The following NRXN1 variants were observed in gnomAD, a reference collection of about 807,000 sequenced individuals.
The protein encoded by NRXN1 is neurexin-1.
A neutral mutation model predicts 150.9 loss-of-function variants in NRXN1; 39 were observed. That is an observed-to-expected ratio of 0.26 (90% CI 0.20 to 0.34). The LOEUF (loss-of-function observed/expected upper bound fraction) is 0.34, where lower values mean the gene tolerates loss of function less well. Among genes scored for constraint, NRXN1 ranks in the 10% least tolerant of loss-of-function variants. The pLI, the probability that NRXN1 is intolerant of heterozygous loss-of-function variation, is 1.00. For missense variants in NRXN1, 1,815 were observed against 1,949.9 expected (o/e 0.93, Z 1.30); for synonymous variants, 924 against 757.0 (o/e 1.22, Z -3.62).
intron 18 of NRXN1, among the ~76,000 whole-genome samples, chr2:50,196,297 A>T (rs531061800): frequency 1.2e-4 from 18 of 152,288 alleles, no homozygotes; most frequent in African/African-American, 4.3e-4. Context: ...TCTATAGCTG[A>T]GAAATGCCTT....
At chr2:50,533,111 T>C (rs1300637929) in intron 10 of NRXN1, among the ~76,000 whole-genome samples, 1 of 152,154 alleles carries the variant, frequency 6.6e-6, no homozygotes, top group Non-Finnish European at 1.5e-5. Flanking sequence ...GTTGTCATGA[T>C]GGGATTAAGT....
chr2:50,428,105 C>T (rs370575021), intron 17 of NRXN1, among the ~76,000 whole-genome samples: 7 of 152,124 alleles, frequency 4.6e-5, no homozygotes, highest in South Asian at 4.2e-4. Flanking sequence ...TCAAGAGAAG[C>T]GAGGATAAGA....
chr2:50,319,689 G>A lies in NRXN1; in HGVS notation c.3365-82719C>T, dbSNP rs192990277. Among the ~76,000 whole-genome samples, 3 of 138,790 alleles carry A rather than the reference G, an allele frequency of 2.2e-5. No individual in the cohort carries two copies. The East Asian group carries it at 9.1e-4, about 42-fold the overall frequency. 91.1% of individuals were successfully genotyped at this position (138,790 alleles called of 152,430 possible). ...AGGACTCTTTGGAAAGAAGACAGTG[G>A]CAGACAGTGGCAGACAGTGGCAGAC... On this transcript the variant is annotated intron_variant, in intron 17 of 22. Transcript: ENST00000401669.
At chr2:50,700,825 G>A (rs1287843315) in intron 5 of NRXN1, among the ~76,000 whole-genome samples, 2 of 147,830 alleles carry the variant, frequency 1.4e-5, no homozygotes, top group Non-Finnish European at 3.0e-5. Context: ...TTTTTGAGAC[G>A]CCCGGCTAAT....
At chr2:50,299,652 C>T (rs925161954) in intron 17 of NRXN1, among the ~76,000 whole-genome samples, 2 of 151,986 alleles carry the variant, frequency 1.3e-5, no homozygotes, top group Non-Finnish European at 2.9e-5. Flanking sequence ...TTTGTCTGAA[C>T]TTTTTATTAT....
Position 50,053,364 on chromosome 2 carries a change from T to C in NRXN1, c.4035A>G (p.Ser1345=), listed in dbSNP as rs2152626321. The part of the protein sequence containing the change: ...TTESTATAMQ[S]EMSTSIMETT... ...TCTCCATAATTGATGTGGACATCTC[T>C]GATTGCATGGCAGTGGCTGTTGACT... Residue 1345 remains serine (S), a synonymous_variant, in exon 21 of 23, where the codon TCA becomes TCG. Coordinates refer to ENST00000401669, the MANE Select transcript of NRXN1 (RefSeq NM_001330078.2). The C allele has an allele frequency of 6.2e-7, 1 of 1,614,044 alleles. No homozygotes were observed. Among genetic ancestry groups the C allele is most frequent in the Non-Finnish European group, 8.5e-7 (1 of 1,179,910 alleles).
intron 5 of NRXN1, among the ~76,000 whole-genome samples, chr2:50,872,995 T>C (rs207461746): frequency 6.6e-6 from 1 of 151,262 alleles, no homozygotes; most frequent in Non-Finnish European, 1.5e-5. Flanking sequence ...AGCAAGACCC[T>C]GTCTCTAAAA....
chr2:50,268,530 A>T (rs937646774), intron 17 of NRXN1, among the ~76,000 whole-genome samples: 26 of 152,068 alleles, frequency 1.7e-4, no homozygotes, highest in Non-Finnish European at 2.2e-4. Context: ...ATGGCTATGG[A>T]ATATAATTGA....
chr2:50,335,579 A>T (rs1212373708), intron 17 of NRXN1, among the ~76,000 whole-genome samples: 1 of 152,208 alleles, frequency 6.6e-6, no homozygotes, highest in African/African-American at 2.4e-5. Context: ...GGAATGTTCT[A>T]AGAGAGCGAG....
intron 21 of NRXN1, among the ~76,000 whole-genome samples, chr2:49,999,424 TAAGTC>T (rs756748854): frequency 3.3e-5 from 5 of 152,292 alleles, no homozygotes; most frequent in East Asian, 3.9e-4. Context: ...TATTTAGATA[TAAGTC>T]AAGTACTGAA....
intron 17 of NRXN1, among the ~76,000 whole-genome samples, chr2:50,410,959 C>G (rs1176467333): frequency 6.6e-6 from 1 of 152,216 alleles, no homozygotes; most frequent in African/African-American, 2.4e-5. Flanking sequence ...AACTAAAAGA[C>G]AAACATTTGC....
intron 5 of NRXN1, among the ~76,000 whole-genome samples, chr2:50,715,463 T>A (rs1439734053): frequency 6.6e-6 from 1 of 152,212 alleles, no homozygotes; most frequent in Admixed American, 6.6e-5. Context: ...AAAAGTGATT[T>A]GTAAACTGTA....
At chr2:50,345,358 G>A (rs887089975) in intron 17 of NRXN1, among the ~76,000 whole-genome samples, 1 of 152,084 alleles carries the variant, frequency 6.6e-6, no homozygotes, top group African/African-American at 2.4e-5. Context: ...ACCCCACCCT[G>A]CATCCATGGA....
chr2:50,459,422 C>T (rs2087929634), intron 17 of NRXN1, among the ~76,000 whole-genome samples: 1 of 152,010 alleles, frequency 6.6e-6, no homozygotes, highest in African/African-American at 2.4e-5. Flanking sequence ...GGTATTAAGC[C>T]TAGTAGCCAA....
chr2:50,661,907 C>T lies in NRXN1; in HGVS notation c.833-38292G>A, dbSNP rs796268131. 2.0e-5 allele frequency among the ~76,000 whole-genome samples: 3 copies of T among 152,162 alleles called. 1 individual carries two copies. The highest frequency in any genetic ancestry group is 7.2e-5 in the African/African-American group (3 of 41,570). On this transcript the variant is annotated intron_variant, in intron 5 of 22. Transcript: ENST00000401669. ...AAGTGCTTCCTGAAAGCTTCTTAGA[C>T]TTGCAGAGGCTGGGAAGGGAATTGT...
chr2:50,802,827 T>G (rs369734179), intron 5 of NRXN1, among the ~76,000 whole-genome samples: 2 of 151,950 alleles, frequency 1.3e-5, no homozygotes, highest in African/African-American at 4.8e-5. Flanking sequence ...AGAGAAACCA[T>G]GTGAAGACAG....
chr2:49,939,261 C>T (rs529163854), intron 22 of NRXN1, among the ~76,000 whole-genome samples: 7 of 152,096 alleles, frequency 4.6e-5, no homozygotes, highest in South Asian at 2.1e-4. Flanking sequence ...AAGCTGTAAA[C>T]GTTTTTTGAG....
rs539990355 is a variant in NRXN1, at chr2:49,980,105, A to C, written c.4129-36314T>G. On this transcript the variant is annotated intron_variant, in intron 21 of 22. Coordinates refer to ENST00000401669, the MANE Select transcript of NRXN1 (RefSeq NM_001330078.2). The stretch of plus-strand genomic sequence containing the variant: ...AATTGGGACTCAGAGGGATTAAATA[A>C]CATATATATCCATGAAGCTAGCAAC... Among the ~76,000 whole-genome samples the C allele has an allele frequency of 3.9e-5, 6 of 152,274 alleles. 1 individual carries two copies. Among genetic ancestry groups the C allele is most frequent in the South Asian group, 4.1e-4 (2 of 4,828 alleles).
At chr2:50,475,081 C>A (rs897189677) in intron 15 of NRXN1, among the ~76,000 whole-genome samples, 10 of 151,982 alleles carry the variant, frequency 6.6e-5, no homozygotes, top group African/African-American at 2.4e-4. Flanking sequence ...GAAATACTAC[C>A]TACTCCTTTC....
Sources: allele counts gnomAD v4.1 joint callset (sites outside exome capture counted in the v4.1 genomes callset), GRCh38; gene constraint gnomAD v4.1.1; transcripts MANE v1.5; gene names NCBI Gene and HGNC (gene_info 2026-07-23, HGNC 2026-07-21).